LPP: variants seen among roughly 807,000 people sequenced by gnomAD.
LPP encodes LIM domain containing preferred translocation partner in lipoma.
LPP carries 38 observed loss-of-function variants against 60.4 expected under a neutral mutation model. The ratio of observed to expected loss-of-function variants is 0.63; its 90% CI spans 0.49 to 0.83. The LOEUF is 0.83. Ranked by LOEUF, LPP falls within the 40% of genes least tolerant of loss-of-function variation. The pLI is 0.00. For missense variants in LPP, 902 were observed against 783.6 expected (o/e 1.15, Z -1.80); for synonymous variants, 328 against 290.8 (o/e 1.13, Z -1.30).
intron 1 of LPP, among the ~76,000 whole-genome samples, chr3:188,162,940 C>T (rs555085324): frequency 1.6e-4 from 24 of 152,210 alleles, no homozygotes; most frequent in South Asian, 2.1e-4. Context: ...GTTTTCTCCA[C>T]GTATTCATTT....
At position 188,646,043 on chromosome 3, in the gene LPP, C is replaced by A. The variant is rs1377088053; in HGVS notation, c.1113+36199C>A. 2.0e-5 allele frequency among the ~76,000 whole-genome samples: 3 copies of A among 152,130 alleles called. No individual in the cohort carries two copies. The East Asian group carries it at 5.8e-4, about 29-fold the overall frequency. ...ATAAATGAAATCATGTCTAAGATTT[C>A]TTCCGATTTTGACATTGTTATATGT... On this transcript the variant is annotated intron_variant, in intron 7 of 11. Coordinates refer to ENST00000617246, the MANE Select transcript of LPP (RefSeq NM_001375462.1).
intron 4 of LPP, among the ~76,000 whole-genome samples, chr3:188,418,356 T>C (rs1466583988): frequency 3.3e-5 from 5 of 152,208 alleles, no homozygotes; most frequent in African/African-American, 1.2e-4. Context: ...AGTGGATTTA[T>C]TAGCTTCCAT....
chr3:188,757,200 T>C (rs1043904140), intron 8 of LPP, among the ~76,000 whole-genome samples: 1 of 150,056 alleles, frequency 6.7e-6, no homozygotes, highest in Non-Finnish European at 1.5e-5. Flanking sequence ...GCATGTAGGT[T>C]GTCTTGACTG....
chr3:188,425,734 A>G (rs1302893770), intron 4 of LPP, among the ~76,000 whole-genome samples: 2 of 152,138 alleles, frequency 1.3e-5, no homozygotes, highest in Middle Eastern at 3.4e-3. Flanking sequence ...CTTTATTTGC[A>G]TATAGGTGTT....
chr3:188,292,147 C>T (rs549873601), intron 2 of LPP, among the ~76,000 whole-genome samples: 42 of 152,242 alleles, frequency 2.8e-4, no homozygotes, highest in African/African-American at 1.0e-3. Context: ...GTGAACCTTG[C>T]TTTAATGAAC....
intron 1 of LPP, among the ~76,000 whole-genome samples, chr3:188,223,009 G>A (rs1389042617): frequency 6.6e-6 from 1 of 152,170 alleles, no homozygotes; most frequent in African/African-American, 2.4e-5. Context: ...GAGGTGGCAG[G>A]GAGCTGGGAG....
intron 5 of LPP, among the ~76,000 whole-genome samples, chr3:188,508,975 G>A (rs150312417): frequency 6.6e-6 from 1 of 152,242 alleles, no homozygotes; most frequent in African/African-American, 2.4e-5. Flanking sequence ...GCCTTCAAAG[G>A]TTTAGATTTG....
chr3:188,437,877 T>C (rs759866286), intron 4 of LPP, among the ~76,000 whole-genome samples: 2 of 152,214 alleles, frequency 1.3e-5, no homozygotes, highest in Admixed American at 6.5e-5. Context: ...TATGAATTGG[T>C]ATTTACTATG....
intron 6 of LPP, among the ~76,000 whole-genome samples, chr3:188,538,776 C>T (rs1194484273): frequency 2.0e-5 from 3 of 152,150 alleles, no homozygotes; most frequent in Admixed American, 6.5e-5. Flanking sequence ...TGGGAACAAC[C>T]TAAATATCTA....
At chr3:188,744,051 G>A (rs549831766) in intron 8 of LPP, among the ~76,000 whole-genome samples, 1 of 152,190 alleles carries the variant, frequency 6.6e-6, no homozygotes, top group South Asian at 2.1e-4. Context: ...TGGTGAGTTT[G>A]ATATTCTACT....
intron 1 of LPP, among the ~76,000 whole-genome samples, chr3:188,163,217 C>T (rs1465636153): frequency 6.6e-6 from 1 of 152,162 alleles, no homozygotes; most frequent in Non-Finnish European, 1.5e-5. Flanking sequence ...GGAGATCCCT[C>T]TGTAGTTCAA....
At chr3:188,456,845 A>G (rs1797848621) in intron 4 of LPP, among the ~76,000 whole-genome samples, 1 of 152,184 alleles carries the variant, frequency 6.6e-6, no homozygotes, top group Non-Finnish European at 1.5e-5. Context: ...TACTTTTAAG[A>G]TTGCTATATT....
chr3:188,831,446 AG>A (rs1757111033), intron 9 of LPP, among the ~76,000 whole-genome samples: 1 of 152,168 alleles, frequency 6.6e-6, no homozygotes, highest in Non-Finnish European at 1.5e-5. Flanking sequence ...ACCAGGTCTC[AG>A]CCCAGTCCCA....
intron 7 of LPP, among the ~76,000 whole-genome samples, chr3:188,695,675 G>T (rs999759703): frequency 6.6e-6 from 1 of 152,178 alleles, no homozygotes; most frequent in African/African-American, 2.4e-5. Context: ...ATACAAAACT[G>T]GAGGTATAAT....
At chr3:188,670,368 T>C (rs1257282853) in intron 7 of LPP, among the ~76,000 whole-genome samples, 1 of 151,886 alleles carries the variant, frequency 6.6e-6, no homozygotes, top group Non-Finnish European at 1.5e-5. Flanking sequence ...GGAGAAAGAG[T>C]GAGGAAGGGT....
rs1770509207 is a variant in LPP at position 188,885,155 on chromosome 3, C to G, written c.*10676C>G. On this transcript the variant is annotated 3_prime_UTR_variant, in exon 12 of 12. Coordinates refer to ENST00000617246, the MANE Select transcript of LPP (RefSeq NM_001375462.1). ...CCACTTTTTATTTCCTCTCATTTCA[C>G]TCCTTTCATTGTTTGCTATATCCTA... 9.5e-6 allele frequency: 2 copies of G among 211,434 alleles called. No individual in the cohort carries two copies. The highest frequency in any genetic ancestry group is 2.3e-5 in the African/African-American group (1 of 44,062). 13.1% of individuals were successfully genotyped at this position (211,434 alleles called of 1,614,324 possible).
At chr3:188,577,752 CG>C (rs1553932966) in intron 6 of LPP, among the ~76,000 whole-genome samples, 3 of 114,986 alleles carry the variant, frequency 2.6e-5, no homozygotes, top group Non-Finnish European at 3.6e-5. Flanking sequence ...TTTGTTCCTT[CG>C]TTCCTTCGTT....
At chr3:188,485,419 A>C (rs561932325) in intron 5 of LPP, among the ~76,000 whole-genome samples, 1 of 152,348 alleles carries the variant, frequency 6.6e-6, no homozygotes, top group East Asian at 1.9e-4. Flanking sequence ...TTATAGTTTT[A>C]GGTGTGACTA....
chr3:188,319,543 C>A (rs572178665), intron 2 of LPP, among the ~76,000 whole-genome samples: 1 of 152,174 alleles, frequency 6.6e-6, no homozygotes. Flanking sequence ...CAAGACATCA[C>A]TTTATGTAAT....
Sources: gnomAD v4.1 joint callset for allele counts (sites outside exome capture counted in the v4.1 genomes callset) on GRCh38, gnomAD v4.1.1 for gene constraint, MANE v1.5 for transcripts, NCBI Gene and HGNC (gene_info 2026-07-23, HGNC 2026-07-21) for gene names.